MYO15A: variants seen among roughly 807,000 people sequenced by gnomAD.
MYO15A encodes the protein myosin XVA.
Under a neutral mutation model 394.6 loss-of-function variants are expected in MYO15A, and 308 were observed. The observed-to-expected ratio is 0.78, with a 90% CI of 0.71 to 0.86. The LOEUF (loss-of-function observed/expected upper bound fraction) is 0.86. Among genes scored for constraint, MYO15A ranks in the 40% least tolerant of loss-of-function variants. The pLI is 0.00. For missense variants in MYO15A, 4,606 were observed against 4,799.1 expected (o/e 0.96, Z 1.19); for synonymous variants, 1,957 against 2,003.8 (o/e 0.98, Z 0.62).
chr17:18,174,040 A>G, intron 65 of MYO15A, 119 bp downstream of exon 65: 1 of 1,380,346 alleles, frequency 7.2e-7, no homozygotes, highest in South Asian at 1.4e-5. Context: ...ATGGGACAGA[A>G]CCAACCACAG....
At chr17:18,170,964 A>G (rs2046931910) in intron 62 of MYO15A, among the ~76,000 whole-genome samples, 2 of 152,336 alleles carry the variant, frequency 1.3e-5, no homozygotes, top group East Asian at 1.9e-4. Flanking sequence ...CAGTGGAAAG[A>G]AGGACAGATG....
In MYO15A at chr17:18,150,367, T is replaced by C. The variant is rs1371726397; in HGVS notation, c.7213-62T>C. ...GGAAGAGGCCAGTGTCAGGTGCCTG[T>C]TGCCATGGAACCTTGGGAGTACAAT... On this transcript the variant is annotated intron_variant, in intron 35 of 65. Transcript: ENST00000647165. This position sits in a 1 kb window ranked among gnomAD's most constrained non-coding sequence, Gnocchi z 4.4. 6.7e-7 allele frequency: 1 copy of C among 1,487,834 alleles called. No homozygotes were observed. The highest frequency in any genetic ancestry group is 9.4e-7 in the Non-Finnish European group (1 of 1,067,004). The allele number at this position is 1,487,834 out of a possible 1,614,324, so 92.2% of individuals were successfully genotyped here.
intron 40 of MYO15A, 145 bp from the exon 41 acceptor site, chr17:18,151,701 A>G (rs1327237086): frequency 2.6e-6 from 3 of 1,139,856 alleles, no homozygotes; most frequent in Non-Finnish European, 3.9e-6. Context: ...GTGCTGTAGG[A>G]CTTCAGGCCA....
At chr17:18,115,726 C>A (rs1161255422) in intron 1 of MYO15A, among the ~76,000 whole-genome samples, 1 of 152,174 alleles carries the variant, frequency 6.6e-6, no homozygotes, top group Non-Finnish European at 1.5e-5. Flanking sequence ...GGCCCACAGG[C>A]CCTGCACATG....
rs776495763 is a variant in MYO15A, at chr17:18,161,351, A to G, written c.9421A>G (p.Ile3141Val). ...CCAGCGAGGCTGGAGGCTGCTGTAT[A>G]TCGTGACCGCCTACCACAGCTGCTC... ...SCQRGWRLLY[I>V]VTAYHSCSEV... Residue 3141 changes from isoleucine (I) to valine (V), a missense_variant, in exon 57 of 66, where the codon ATC (isoleucine) becomes GTC (valine). This residue lies in a region of MYO15A where 2,776 missense variants were observed against 3,109.3 expected (regional missense o/e 0.89). Coordinates refer to ENST00000647165, the MANE Select transcript of MYO15A (RefSeq NM_016239.4). The G allele has an allele frequency of 4.3e-6, 7 of 1,614,012 alleles. No homozygotes were observed. Among genetic ancestry groups the G allele is most frequent in the Middle Eastern group, 1.6e-4 (1 of 6,062 alleles).
At chr17:18,165,958 T>C (rs1349279914) in intron 60 of MYO15A, among the ~76,000 whole-genome samples, 3 of 152,188 alleles carry the variant, frequency 2.0e-5, no homozygotes, top group African/African-American at 4.8e-5. Context: ...GGTCTCATAG[T>C]GTGAGGCCTC....
intron 61 of MYO15A, 76 bp from the exon 62 acceptor site, chr17:18,167,514 T>C (rs942373265): frequency 6.3e-7 from 1 of 1,594,204 alleles, no homozygotes; most frequent in African/African-American, 1.3e-5. Context: ...TAAACATGCA[T>C]GTCCCCAGGT....
intron 57 of MYO15A, 25 bp from the exon 58 acceptor site, chr17:18,162,560 A>C: frequency 6.2e-7 from 1 of 1,611,070 alleles, no homozygotes; most frequent in Non-Finnish European, 8.5e-7. Context: ...ACCTTGGGCG[A>C]GGCCTGAACT....
chr17:18,120,084 C>T lies in MYO15A; in HGVS notation c.1284C>T (p.Ala428=). 6.2e-7 allele frequency: 1 copy of T among 1,612,670 alleles called. No individual in the cohort carries two copies. The highest frequency in any genetic ancestry group is 8.5e-7 in the Non-Finnish European group (1 of 1,179,474). The change falls in exon 2 of 66, where the codon GCC becomes GCT. Residue 428 remains alanine, a synonymous_variant. Coordinates refer to ENST00000647165, the MANE Select transcript of MYO15A (RefSeq NM_016239.4). ...CGCCCCACAACCCGTATGCCCACGC[C>T]ATGGATGACATCGCCGAGCTGGAGG... is the stretch of plus-strand genomic sequence containing the variant. ...IPSPHNPYAH[A]MDDIAELEEP...
chr17:18,155,907 T>A (rs2046666713), intron 47 of MYO15A: 5 of 488,734 alleles, frequency 1.0e-5, no homozygotes, highest in Non-Finnish European at 1.5e-5. Context: ...GGTCAATGGG[T>A]GAAAGAGAGA....
intron 65 of MYO15A, chr17:18,178,355 C>T (rs2047043736): frequency 6.4e-6 from 2 of 310,078 alleles, no homozygotes; most frequent in Non-Finnish European, 1.3e-5. Context: ...GGCGACAGAG[C>T]GAAACTCCAT....
intron 62 of MYO15A, 49 bp downstream of exon 62, chr17:18,167,772 C>T (rs1332836872): frequency 6.3e-7 from 1 of 1,598,452 alleles, no homozygotes; most frequent in African/African-American, 1.3e-5. Context: ...GCAACCCTGC[C>T]CTCTCAGCCC....
chr17:18,111,777 GC>G (rs1412513256), intron 1 of MYO15A, among the ~76,000 whole-genome samples: 2 of 152,240 alleles, frequency 1.3e-5, no homozygotes, highest in African/African-American at 4.8e-5. Flanking sequence ...ACAGCTGCTT[GC>G]CCAGGCCAGC....
intron 9 of MYO15A, 37 bp downstream of exon 9, chr17:18,131,379 G>T (rs372009632): frequency 8.7e-6 from 14 of 1,613,108 alleles, no homozygotes; most frequent in Non-Finnish European, 1.2e-5. Context: ...CAAAAGCCTT[G>T]CAGTGTCTTC....
intron 65 of MYO15A, among the ~76,000 whole-genome samples, chr17:18,174,668 C>T (rs2046988915): frequency 6.6e-6 from 1 of 152,164 alleles, no homozygotes; most frequent in Admixed American, 6.5e-5. Flanking sequence ...GTCTCACACC[C>T]CCCTGGGGTC....
Position 18,138,819 on chromosome 17 carries a change from C to T in MYO15A, c.5016C>T (p.Asp1672=), listed in dbSNP as rs750329809. The T allele has an allele frequency of 1.3e-5, 21 of 1,613,784 alleles. No homozygotes were observed. Among genetic ancestry groups the T allele is most frequent in the Non-Finnish European group, 1.7e-6 (2 of 1,179,944 alleles). Residue 1672 remains aspartate (D), a synonymous_variant, in exon 18 of 66, where the codon GAC becomes GAT. Transcript: ENST00000647165. ...DDQCCFPQAT[D]HTFLQKCHYH... ...CCCTAAATTGCCCCCAGGCTACAGACCACACCTTCCTACAGAAGTGCCACT... is the reference window on the plus strand; with the variant it reads ...CCCTAAATTGCCCCCAGGCTACAGATCACACCTTCCTACAGAAGTGCCACT...
chr17:18,118,832 C>T lies in MYO15A; in HGVS notation c.32C>T (p.Ala11Val), dbSNP rs1264271225. 2 of 1,610,280 alleles carry T rather than the reference C, an allele frequency of 1.2e-6. No homozygotes were observed. The highest frequency in any genetic ancestry group is 1.7e-6 in the Non-Finnish European group (2 of 1,178,284). The change falls in exon 2 of 66, where the codon GCC becomes GTC. Residue 11 changes from alanine to valine, a missense_variant. Around this residue, in one of 2 missense-constraint regions of MYO15A, gnomAD observed 1,830 missense variants for 1,689.7 expected, o/e 1.08. Coordinates refer to ENST00000647165, the MANE Select transcript of MYO15A (RefSeq NM_016239.4). ...AAGGAGGAAGATGAGGAGAAGAAAG[C>T]CAAGAAAGGGAAGAAGGGGAAGAAG... MAKEEDEEKK[A>V]KKGKKGKKAP...
intron 62 of MYO15A, among the ~76,000 whole-genome samples, chr17:18,168,158 T>A (rs2046883085): frequency 6.6e-6 from 1 of 152,208 alleles, no homozygotes; most frequent in African/African-American, 2.4e-5. Flanking sequence ...TATTTACTTA[T>A]GTATTTAATT....
chr17:18,121,389 T>A lies in MYO15A; in HGVS notation c.2589T>A (p.Asn863Lys). The change falls in exon 2 of 66, where the codon AAT (asparagine) becomes AAA (lysine). Residue 863 changes from asparagine to lysine, a missense_variant. Physicochemically the swap from Asn to Lys is moderately conservative, Grantham distance 94 (BLOSUM62 0). Coordinates refer to ENST00000647165, the MANE Select transcript of MYO15A (RefSeq NM_016239.4). This position sits in a 1 kb window ranked among gnomAD's most constrained non-coding sequence, Gnocchi z 5.3. ...ACAGCCCGCGGCGCAGCTCCCTGAA[T>A]CTGCCCTCGCGCCTCCCGCACACGT... ...LCHSPRRSSL[N>K]LPSRLPHTWR... is the part of the protein sequence containing the mutation. The A allele has an allele frequency of 6.5e-7, 1 of 1,530,772 alleles. No individual in the cohort carries two copies. Among genetic ancestry groups the A allele is most frequent in the South Asian group, 1.2e-5 (1 of 83,540 alleles). 94.8% of individuals were successfully genotyped at this position (1,530,772 alleles called of 1,614,324 possible).
Sources: gnomAD v4.1 joint callset for allele counts (sites outside exome capture counted in the v4.1 genomes callset) on GRCh38, gnomAD v4.1.1 for gene constraint, gnomAD v4.1.1 regional missense constraint, Gnocchi (gnomAD v3.1) non-coding constraint, MANE v1.5 for transcripts, NCBI Gene and HGNC (gene_info 2026-07-23, HGNC 2026-07-21) for gene names.